CSMD1: variants seen among roughly 807,000 people sequenced by gnomAD.
CSMD1 encodes CUB and sushi domain-containing protein 1.
Under a neutral mutation model 417.5 loss-of-function variants are expected in CSMD1, and 213 were observed. That is an observed-to-expected ratio of 0.51 (90% CI 0.46 to 0.57). The LOEUF (loss-of-function observed/expected upper bound fraction) is 0.57, where lower values mean the gene tolerates loss of function less well. Among genes scored for constraint, CSMD1 ranks in the 20% least tolerant of loss-of-function variants. The pLI, the probability that CSMD1 is intolerant of heterozygous loss-of-function variation, is 0.00. For synonymous variants in CSMD1, 2,862 were observed against 1,736.8 expected (o/e 1.65, Z -16.11); for missense variants, 6,923 against 4,529.7 (o/e 1.53, Z -15.17).
At chr8:4,382,879 G>C (rs1803195160) in intron 3 of CSMD1, among the ~76,000 whole-genome samples, 1 of 152,284 alleles carries the variant, frequency 6.6e-6, no homozygotes, top group East Asian at 1.9e-4. Context: ...GGCGCAGTAA[G>C]ATTAAATAAA....
intron 7 of CSMD1, among the ~76,000 whole-genome samples, chr8:3,674,729 G>T (rs1327940379): frequency 1.3e-5 from 2 of 152,060 alleles, no homozygotes; most frequent in African/African-American, 4.8e-5. Context: ...CTGATTCCAA[G>T]TCCCTGCCCT....
chr8:2,966,072 A>T (rs1803929365), intron 58 of CSMD1, 118 bp from the exon 59 acceptor site: 5 of 851,730 alleles, frequency 5.9e-6, no homozygotes, highest in Non-Finnish European at 7.5e-6. Context: ...TAAGCAGTGA[A>T]TTAATACAGC....
chr8:3,437,797 G>C lies in CSMD1; in HGVS notation c.1562-28192C>G, dbSNP rs540675634. ...GAGTCTTGCTCTGTTGCCCAGGCTGGAGTGCAGTGGCACAATCTCGGCTCA... is the reference window on the plus strand; with the variant it reads ...GAGTCTTGCTCTGTTGCCCAGGCTGCAGTGCAGTGGCACAATCTCGGCTCA... On this transcript the variant is annotated intron_variant, in intron 12 of 69. Coordinates refer to ENST00000635120, the MANE Select transcript of CSMD1 (RefSeq NM_033225.6). Among the ~76,000 whole-genome samples the C allele has an allele frequency of 3.3e-5, 5 of 151,698 alleles. No individual in the cohort carries two copies. In the South Asian group the frequency reaches 8.4e-4, roughly 25 times the overall value.
At chr8:3,025,583 A>C (rs1273549449) in intron 51 of CSMD1, among the ~76,000 whole-genome samples, 1 of 152,236 alleles carries the variant, frequency 6.6e-6, no homozygotes, top group Non-Finnish European at 1.5e-5. Flanking sequence ...GCGGTCAACA[A>C]GCATCTCCCT....
Position 4,196,965 on chromosome 8 carries a change from G to C in CSMD1, c.416-164866C>G, listed in dbSNP as rs116491715. 5.5e-3 allele frequency among the ~76,000 whole-genome samples: 833 copies of C among 152,206 alleles called. 14 individuals carry two copies. The highest frequency in any genetic ancestry group is 0.019 in the African/African-American group (793 of 41,522). On this transcript the variant is annotated intron_variant, in intron 3 of 69. Transcript: ENST00000635120. Reference sequence around the variant, plus strand: ...TTCTTTGCTCCAATTTTAGTCATTTGAGCCTCACCGCCCCTCACAATATCT... The same window carrying C: ...TTCTTTGCTCCAATTTTAGTCATTTCAGCCTCACCGCCCCTCACAATATCT...
intron 5 of CSMD1, among the ~76,000 whole-genome samples, chr8:3,857,418 A>C (rs188565314): frequency 1.3e-5 from 2 of 152,294 alleles, no homozygotes; most frequent in Admixed American, 6.5e-5. Context: ...AAAAACAAAA[A>C]CTGTGATGGT....
chr8:3,825,859 T>C (rs948510445), intron 5 of CSMD1, among the ~76,000 whole-genome samples: 3 of 152,164 alleles, frequency 2.0e-5, no homozygotes, highest in Non-Finnish European at 4.4e-5. Flanking sequence ...TAGAGACGCA[T>C]TGTACACTAG....
intron 3 of CSMD1, among the ~76,000 whole-genome samples, chr8:4,319,298 C>G (rs1165252662): frequency 6.6e-6 from 1 of 152,076 alleles, no homozygotes; most frequent in Non-Finnish European, 1.5e-5. Flanking sequence ...TGCTTTTAAA[C>G]AGTTTCTTCT....
rs141022688 is a variant in CSMD1 at position 3,699,372 on chromosome 8, T to C, written c.1009+9042A>G. Among the ~76,000 whole-genome samples, 353 of 152,340 alleles carry C rather than the reference T, an allele frequency of 2.3e-3. 1 individual carries two copies. Among genetic ancestry groups the C allele is most frequent in the African/African-American group, 8.0e-3 (334 of 41,588 alleles). On this transcript the variant is annotated intron_variant, in intron 7 of 69. Transcript: ENST00000635120. ...CATGGATGAATTATTTAATTATTTG[T>C]GCTTTTCTCCATACAACACATAACA...
At chr8:3,138,513 C>A (rs1026576236) in intron 41 of CSMD1, among the ~76,000 whole-genome samples, 5 of 152,176 alleles carry the variant, frequency 3.3e-5, no homozygotes, top group African/African-American at 9.7e-5. Flanking sequence ...TGGGAATGCT[C>A]GTGACCAGCA....
intron 3 of CSMD1, among the ~76,000 whole-genome samples, chr8:4,192,846 A>C (rs1254391542): frequency 6.6e-6 from 1 of 152,126 alleles, no homozygotes; most frequent in Non-Finnish European, 1.5e-5. Flanking sequence ...GCCCAAGATC[A>C]CTCATGTTCC....
intron 2 of CSMD1, among the ~76,000 whole-genome samples, chr8:4,496,784 A>C (rs1377505646): frequency 6.6e-6 from 1 of 152,162 alleles, no homozygotes; most frequent in African/African-American, 2.4e-5. Context: ...ATTTCCTTAG[A>C]GCTGAGACAT....
intron 8 of CSMD1, among the ~76,000 whole-genome samples, chr8:3,600,189 C>T (rs761371800): frequency 1.3e-5 from 2 of 152,158 alleles, no homozygotes; most frequent in Non-Finnish European, 2.9e-5. Context: ...CATTGCTTCC[C>T]GAATCTTTCC....
intron 9 of CSMD1, among the ~76,000 whole-genome samples, chr8:3,582,266 T>C (rs1236251860): frequency 2.0e-5 from 3 of 152,170 alleles, no homozygotes; most frequent in African/African-American, 7.2e-5. Context: ...ACGTTATCTT[T>C]TTATAAAAAG....
intron 25 of CSMD1, among the ~76,000 whole-genome samples, chr8:3,288,239 A>C (rs1264093712): frequency 6.8e-6 from 1 of 147,258 alleles, no homozygotes; most frequent in Non-Finnish European, 1.5e-5. Context: ...ATCGATGTTC[A>C]TCAGGGATAT....
intron 2 of CSMD1, among the ~76,000 whole-genome samples, chr8:4,504,520 T>A (rs1457134603): frequency 6.6e-6 from 1 of 152,124 alleles, no homozygotes. Context: ...AACATGCAGG[T>A]TCGTTACATA....
chr8:3,445,112 G>C (rs943698092), intron 12 of CSMD1, among the ~76,000 whole-genome samples: 2 of 152,112 alleles, frequency 1.3e-5, no homozygotes, highest in East Asian at 1.9e-4. Flanking sequence ...CAGAAAATAG[G>C]AGCAACATAT....
Position 3,315,245 on chromosome 8 carries a change from A to T in CSMD1, c.3632-6742T>A, listed in dbSNP as rs367789987. Among the ~76,000 whole-genome samples, 24 of 152,264 alleles carry T rather than the reference A, an allele frequency of 1.6e-4. No homozygotes were observed. The South Asian group carries it at 4.6e-3, about 29-fold the overall frequency. On this transcript the variant is annotated intron_variant, in intron 23 of 69. Transcript: ENST00000635120. Reference sequence around the variant, plus strand: ...CTTAATATTGCTTTTTATTAACTCTATTTGGATTCATCTGAATAGGAAGGG... The same window carrying T: ...CTTAATATTGCTTTTTATTAACTCTTTTTGGATTCATCTGAATAGGAAGGG...
chr8:3,669,194 A>C (rs1474165860), intron 7 of CSMD1, among the ~76,000 whole-genome samples: 3 of 152,228 alleles, frequency 2.0e-5, no homozygotes, highest in African/African-American at 7.2e-5. Flanking sequence ...GTTTTAATTG[A>C]AAGGCTAGGA....
Sources: gnomAD v4.1 joint callset for allele counts (sites outside exome capture counted in the v4.1 genomes callset) on GRCh38, gnomAD v4.1.1 for gene constraint, MANE v1.5 for transcripts, NCBI Gene and HGNC (gene_info 2026-07-23, HGNC 2026-07-21) for gene names.